Variants in CNTN5 observed in about 807,000 individuals in gnomAD.
CNTN5 encodes the protein contactin-5.
Under a neutral mutation model 129.1 loss-of-function variants are expected in CNTN5, and 77 were observed. The ratio of observed to expected loss-of-function variants is 0.60; its 90% CI spans 0.50 to 0.72. The LOEUF (loss-of-function observed/expected upper bound fraction) is 0.72. Ranked by LOEUF, CNTN5 falls within the 30% of genes least tolerant of loss-of-function variation. The probability of loss-of-function intolerance (pLI) is 0.00; values close to 1 mark genes in which losing one functional copy is unlikely to be tolerated. For synonymous variants in CNTN5, 509 were observed against 465.6 expected (o/e 1.09, Z -1.20); for missense variants, 1,478 against 1,328.8 (o/e 1.11, Z -1.75).
intron 1 of CNTN5, among the ~76,000 whole-genome samples, chr11:99,080,198 G>A (rs1022306309): frequency 6.6e-6 from 1 of 152,198 alleles, no homozygotes; most frequent in Non-Finnish European, 1.5e-5. Context: ...GCATAAGACT[G>A]TAAAGTGGAG....
intron 2 of CNTN5, among the ~76,000 whole-genome samples, chr11:99,374,800 T>C (rs1289966621): frequency 6.6e-6 from 1 of 152,182 alleles, no homozygotes; most frequent in Non-Finnish European, 1.5e-5. Context: ...TAGATCATCA[T>C]GTAAATATTG....
intron 3 of CNTN5, among the ~76,000 whole-genome samples, chr11:99,637,099 A>G (rs1006527566): frequency 3.4e-5 from 5 of 148,270 alleles, no homozygotes; most frequent in Admixed American, 1.4e-4. Context: ...CCTATATTCT[A>G]GTATCTCTTT....
intron 1 of CNTN5, among the ~76,000 whole-genome samples, chr11:99,235,965 T>C (rs1261419797): frequency 1.3e-5 from 2 of 152,222 alleles, no homozygotes; most frequent in African/African-American, 4.8e-5. Context: ...GGACGTGGTA[T>C]TCTTAAAAAT....
intron 1 of CNTN5, among the ~76,000 whole-genome samples, chr11:99,237,663 A>T (rs1386734385): frequency 6.6e-6 from 1 of 152,008 alleles, no homozygotes; most frequent in Non-Finnish European, 1.5e-5. Flanking sequence ...CCTGATGACA[A>T]AACAAGACTC....
At chr11:100,069,111 G>A (rs772120217) in intron 10 of CNTN5, among the ~76,000 whole-genome samples, 34 of 152,082 alleles carry the variant, frequency 2.2e-4, no homozygotes, top group Non-Finnish European at 8.8e-5. Context: ...CTGCTACTCC[G>A]TTATACCCAC....
intron 6 of CNTN5, among the ~76,000 whole-genome samples, chr11:99,914,737 C>T (rs981919334): frequency 5.9e-5 from 9 of 151,998 alleles, no homozygotes; most frequent in East Asian, 5.8e-4. Flanking sequence ...ATAATGAATA[C>T]TTCTCTGTTT....
chr11:100,040,896 A>C (rs1202755169), intron 9 of CNTN5, among the ~76,000 whole-genome samples: 1 of 152,096 alleles, frequency 6.6e-6, no homozygotes, highest in Non-Finnish European at 1.5e-5. Flanking sequence ...TTGACTAGGA[A>C]AGGGAATTCC....
At chr11:99,247,823 G>T (rs1861894591) in intron 1 of CNTN5, among the ~76,000 whole-genome samples, 1 of 152,084 alleles carries the variant, frequency 6.6e-6, no homozygotes, top group Non-Finnish European at 1.5e-5. Flanking sequence ...GGTATTCCAT[G>T]GTGTATATGT....
At position 99,593,205 on chromosome 11, in the gene CNTN5, C is replaced by T. The variant is rs79452908; in HGVS notation, c.55+36936C>T. On this transcript the variant is annotated intron_variant, in intron 3 of 24. Transcript: ENST00000524871. ...CCTAAAATCCAAATGCATATTTTAG[C>T]TGTTTATGGATTAAGAGCATAAAGA... is the stretch of plus-strand genomic sequence containing the variant. Among the ~76,000 whole-genome samples the T allele has an allele frequency of 5.2e-3, 795 of 152,206 alleles. 26 individuals carry two copies. The East Asian group carries it at 0.097, about 19-fold the overall frequency.
At chr11:99,422,518 TTATATATATA>T (rs71046684) in intron 2 of CNTN5, among the ~76,000 whole-genome samples, 4,382 of 83,360 alleles carry the variant, frequency 0.053, 120 homozygotes, top group Middle Eastern at 0.065. Context: ...CTTTATATTT[TTATATATATA>T]TATATATATA....
chr11:99,758,079 G>T (rs916893369), intron 3 of CNTN5, among the ~76,000 whole-genome samples: 4 of 151,962 alleles, frequency 2.6e-5, no homozygotes, highest in African/African-American at 7.2e-5. Flanking sequence ...CTGTTGCTTT[G>T]ATGTTAAGGT....
intron 2 of CNTN5, among the ~76,000 whole-genome samples, chr11:99,552,784 C>T (rs1292845019): frequency 6.6e-6 from 1 of 152,020 alleles, no homozygotes; most frequent in Admixed American, 6.6e-5. Flanking sequence ...TTGGTGAAAC[C>T]AGCAGTCTGT....
chr11:99,601,255 T>A (rs1385503127), intron 3 of CNTN5, among the ~76,000 whole-genome samples: 2 of 152,228 alleles, frequency 1.3e-5, no homozygotes, highest in Non-Finnish European at 2.9e-5. Context: ...CATTTTCTAC[T>A]TTATAACCTC....
chr11:99,143,513 C>A (rs1859632857), intron 1 of CNTN5, among the ~76,000 whole-genome samples: 1 of 128,652 alleles, frequency 7.8e-6, no homozygotes, highest in Admixed American at 8.9e-5. Context: ...ACAATGGGAT[C>A]CTAGAGACAA....
chr11:99,500,257 T>G (rs118163495), intron 2 of CNTN5, among the ~76,000 whole-genome samples: 1 of 152,204 alleles, frequency 6.6e-6, no homozygotes, highest in Non-Finnish European at 1.5e-5. Flanking sequence ...TTTGTTTATA[T>G]GCAGTGATAG....
At chr11:99,269,008 G>T (rs1315223619) in intron 1 of CNTN5, among the ~76,000 whole-genome samples, 3 of 151,946 alleles carry the variant, frequency 2.0e-5, no homozygotes, top group Admixed American at 2.0e-4. Context: ...CTGGATCACA[G>T]CAATTACAGG....
intron 9 of CNTN5, among the ~76,000 whole-genome samples, chr11:100,030,550 G>C (rs1941655232): frequency 2.0e-5 from 3 of 152,170 alleles, no homozygotes; most frequent in African/African-American, 4.8e-5. Flanking sequence ...AATGTCACAA[G>C]TGTGCCATGT....
intron 1 of CNTN5, among the ~76,000 whole-genome samples, chr11:99,280,780 T>A (rs1863660787): frequency 6.6e-6 from 1 of 151,794 alleles, no homozygotes; most frequent in Admixed American, 6.6e-5. Flanking sequence ...TTAATAATAA[T>A]CTTTTGAAAG....
chr11:100,042,747 A>AGCTTGTGT (rs1408678035), intron 9 of CNTN5, among the ~76,000 whole-genome samples: 5 of 152,184 alleles, frequency 3.3e-5, no homozygotes, highest in Non-Finnish European at 7.3e-5. Flanking sequence ...CATAACAAAA[A>AGCTTGTGT]GCTTGTGTCA....
Sources: allele counts gnomAD v4.1 joint callset (sites outside exome capture counted in the v4.1 genomes callset), GRCh38; gene constraint gnomAD v4.1.1; transcripts MANE v1.5; gene names NCBI Gene and HGNC (gene_info 2026-07-23, HGNC 2026-07-21).